RUFY1: variants seen among roughly 807,000 people sequenced by gnomAD.
RUFY1 encodes RUN and FYVE domain containing 1.
In RUFY1, 54 loss-of-function variants were observed where a neutral mutation model predicts 94.6. The observed-to-expected ratio is 0.57, with a 90% CI of 0.46 to 0.72. The LOEUF (loss-of-function observed/expected upper bound fraction) is 0.72. Ranked by LOEUF, RUFY1 falls within the 30% of genes least tolerant of loss-of-function variation. The pLI is 0.00. For synonymous variants in RUFY1, 396 were observed against 347.3 expected, an observed-to-expected ratio of 1.14 and a Z score of -1.56; for missense variants, 883 against 883.9, an observed-to-expected ratio of 1.00 and a Z score of 0.01.
intron 12 of RUFY1, chr5:179,596,117 C>T (rs1306281976): frequency 4.6e-6 from 1 of 219,568 alleles, no homozygotes; most frequent in Non-Finnish European, 9.2e-6. Context: ...GATGGATAAA[C>T]AAAGTGGTAC....
In RUFY1 at chr5:179,580,246, T is replaced by TATATATATATATA. The variant is rs1554118967; in HGVS notation, c.891-701_891-700insATATATATATATA. On this transcript the variant is annotated intron_variant, in intron 6 of 17. Transcript: ENST00000319449. ...GTGTGTGTGTGTGTGTGTGTGTATA[T>TATATATATATATA]TTTTTTTTTTTTTTGAGACGGAGTC... Among the ~76,000 whole-genome samples the TATATATATATATA allele has an allele frequency of 3.9e-3, 408 of 104,162 alleles. 3 individuals carry two copies. Among genetic ancestry groups the TATATATATATATA allele is most frequent in the South Asian group, 0.01 (36 of 3,566 alleles). The allele number at this position is 104,162 out of a possible 152,430, so 68.3% of individuals were successfully genotyped here. A position where few individuals can be genotyped will look rare whatever the true frequency, so the allele number is the denominator to read the frequency against.
At chr5:179,553,168 C>T (rs972773870) in intron 1 of RUFY1, among the ~76,000 whole-genome samples, 1 of 152,258 alleles carries the variant, frequency 6.6e-6, no homozygotes, top group African/African-American at 2.4e-5. Flanking sequence ...CCTGATCCCA[C>T]TCTTGCCCAG....
intron 12 of RUFY1, 68 bp downstream of exon 12, chr5:179,595,031 T>C: frequency 8.8e-7 from 1 of 1,142,172 alleles, no homozygotes; most frequent in South Asian, 1.3e-5. Context: ...GGAGACTTAT[T>C]CAGAGTCCCT....
chr5:179,580,408 A>C (rs1261067876), intron 6 of RUFY1, among the ~76,000 whole-genome samples: 1 of 151,178 alleles, frequency 6.6e-6, no homozygotes, highest in African/African-American at 2.4e-5. Flanking sequence ...ACGCCCGGCT[A>C]ATTTTTTGTA....
chr5:179,569,036 G>C, intron 4 of RUFY1: 2 of 985,286 alleles, frequency 2.0e-6, no homozygotes, highest in Non-Finnish European at 2.4e-6. Context: ...AAGAGGAGAC[G>C]AGGAGAACTG....
chr5:179,597,213 C>T lies in RUFY1; in HGVS notation c.1631+532C>T, dbSNP rs555123756. On this transcript the variant is annotated intron_variant, in intron 13 of 17. Transcript: ENST00000319449. ...GACTACAGGTGTACATCAACACACC[C>T]GGCTAATTTTTGTGTTTGTGTTTTG... Among the ~76,000 whole-genome samples, 108 of 151,878 alleles carry T rather than the reference C, an allele frequency of 7.1e-4. 2 individuals carry two copies. The highest frequency in any genetic ancestry group is 6.8e-3 in the Admixed American group (104 of 15,222).
intron 10 of RUFY1, among the ~76,000 whole-genome samples, chr5:179,592,860 G>T (rs1302600198): frequency 6.6e-6 from 1 of 152,178 alleles, no homozygotes; most frequent in Admixed American, 6.5e-5. Context: ...ACTCAAACGA[G>T]ACAGATATTC....
At chr5:179,565,187 T>G (rs1163527219) in intron 3 of RUFY1, among the ~76,000 whole-genome samples, 1 of 142,786 alleles carries the variant, frequency 7.0e-6, no homozygotes, top group East Asian at 2.0e-4. Flanking sequence ...TTTTTTTTTT[T>G]TTTTGAGACA....
In RUFY1 at chr5:179,569,459, T is replaced by C. The variant is rs368258733; in HGVS notation, c.828+34T>C. On this transcript the variant is annotated intron_variant, in intron 5 of 17. Transcript: ENST00000319449. ...AAATTTTGGCTCTAGATGAACACTT[T>C]CGTTAGTCCAGGGACTTTACATAGG... The C allele has an allele frequency of 4.3e-6, 7 of 1,609,486 alleles. No individual in the cohort carries two copies. The Admixed American group carries it at 5.0e-5, about 12-fold the overall frequency.
chr5:179,609,047 GTC>G (rs1419459769), intron 17 of RUFY1, among the ~76,000 whole-genome samples: 22 of 151,254 alleles, frequency 1.5e-4, no homozygotes, highest in Non-Finnish European at 1.2e-4. Flanking sequence ...GTGAAACCCC[GTC>G]TCTACTAAAA....
chr5:179,607,737 C>A, intron 17 of RUFY1, 78 bp downstream of exon 17: 2 of 1,287,782 alleles, frequency 1.6e-6, no homozygotes, highest in Non-Finnish European at 2.2e-6. Flanking sequence ...GTTCCAGAAG[C>A]CCATATCAGA....
intron 1 of RUFY1, 117 bp from the exon 2 acceptor site, chr5:179,559,908 C>A (rs550535077): frequency 6.9e-7 from 1 of 1,450,236 alleles, no homozygotes; most frequent in Non-Finnish European, 9.1e-7. Flanking sequence ...GCCAGCACGT[C>A]CGTTCCCTAA....
chr5:179,569,574 G>C, intron 5 of RUFY1, 149 bp downstream of exon 5: 1 of 790,206 alleles, frequency 1.3e-6, no homozygotes, highest in Non-Finnish European at 2.1e-6. Flanking sequence ...GGAAGGTCTC[G>C]GAAGGGTGAA....
At chr5:179,559,993 C>T (rs1194085770) in intron 1 of RUFY1, 32 bp from the exon 2 acceptor site, 3 of 1,602,838 alleles carry the variant, frequency 1.9e-6, no homozygotes, top group Middle Eastern at 1.7e-4. Context: ...GCTCAGTCCA[C>T]TAACGAAGCT....
chr5:179,582,660 A>G (rs1330591099), intron 7 of RUFY1, among the ~76,000 whole-genome samples: 1 of 151,848 alleles, frequency 6.6e-6, no homozygotes, highest in African/African-American at 2.4e-5. Flanking sequence ...CGAGACCAAC[A>G]TGGGGAAACC....
chr5:179,601,583 G>A (rs1766402179), intron 14 of RUFY1, among the ~76,000 whole-genome samples: 1 of 151,322 alleles, frequency 6.6e-6, no homozygotes, highest in Non-Finnish European at 1.5e-5. Context: ...CACTTTGGGA[G>A]GCCGAGGCGG....
chr5:179,601,608 C>G (rs775969199), intron 14 of RUFY1, among the ~76,000 whole-genome samples: 28 of 150,762 alleles, frequency 1.9e-4, no homozygotes, highest in Non-Finnish European at 4.4e-5. Flanking sequence ...ATCACGAGGT[C>G]AGGAGTTTGA....
chr5:179,598,554 A>T, intron 13 of RUFY1, 138 bp from the exon 14 acceptor site: 1 of 929,404 alleles, frequency 1.1e-6, no homozygotes, highest in Non-Finnish European at 1.7e-6. Context: ...CCTGGAGGAG[A>T]GGGAAGCGTT....
chr5:179,561,212 AAAATAAAT>A (rs140332916), intron 2 of RUFY1, among the ~76,000 whole-genome samples: 7 of 141,722 alleles, frequency 4.9e-5, no homozygotes, highest in South Asian at 2.4e-4. Context: ...TTCCATCTCA[AAAATAAAT>A]AAATAAATAA....
Sources: allele counts gnomAD v4.1 joint callset (sites outside exome capture counted in the v4.1 genomes callset), GRCh38; gene constraint gnomAD v4.1.1; transcripts MANE v1.5; gene names NCBI Gene and HGNC (gene_info 2026-07-23, HGNC 2026-07-21).